The following ZNF519 variants were observed in gnomAD, a reference collection of about 807,000 sequenced individuals.
ZNF519 encodes similar to Zinc finger protein 85 (Zinc finger protein HPF4) (HTF1).
ZNF519 carries 7 observed loss-of-function variants against 7.4 expected under a neutral mutation model. That is an observed-to-expected ratio of 0.94 (90% CI 0.54 to 1.77). ZNF519 has a LOEUF of 1.77. ZNF519 is among the 40% of genes most tolerant of loss of function. ZNF519 has a pLI of 0.00. For synonymous variants in ZNF519, 179 were observed against 203.3 expected, an observed-to-expected ratio of 0.88 and a Z score of 1.02; for missense variants, 586 against 623.1, an observed-to-expected ratio of 0.94 and a Z score of 0.63.
chr18:14,120,277 A>C (rs938633863), intron 2 of ZNF519, among the ~76,000 whole-genome samples: 16 of 152,186 alleles, frequency 1.1e-4, no homozygotes, highest in Non-Finnish European at 2.2e-4. Context: ...TGACAAGAGC[A>C]CCAAGAATAT....
chr18:14,090,667 A>T (rs1033375330), intron 2 of ZNF519: 1 of 152,206 alleles, frequency 6.6e-6, no homozygotes, highest in Admixed American at 6.5e-5. Context: ...GGTCCAGGGG[A>T]GCCCCTTCCT....
chr18:14,111,033 C>T (rs2046217775), intron 2 of ZNF519, among the ~76,000 whole-genome samples: 1 of 151,490 alleles, frequency 6.6e-6, no homozygotes, highest in Non-Finnish European at 1.5e-5. Flanking sequence ...TTTCCAAAAC[C>T]ATTGAAAAAA....
chr18:14,131,168 C>T (rs1031433088), intron 1 of ZNF519, among the ~76,000 whole-genome samples: 18 of 152,072 alleles, frequency 1.2e-4, no homozygotes, highest in African/African-American at 4.1e-4. Context: ...CTAATAAGGG[C>T]GTTTGTGCTA....
chr18:14,088,736 A>G (rs968898133), intron 2 of ZNF519, among the ~76,000 whole-genome samples: 1 of 152,198 alleles, frequency 6.6e-6, no homozygotes, highest in African/African-American at 2.4e-5. Context: ...GAAACGGTGA[A>G]ATCACCATAA....
At chr18:14,123,115 T>A (rs1032609924) in intron 2 of ZNF519, 2 of 219,960 alleles carry the variant, frequency 9.1e-6, no homozygotes, top group African/African-American at 2.4e-5. Context: ...CTCACTTACT[T>A]GGGGGTTTGG....
intron 2 of ZNF519, among the ~76,000 whole-genome samples, chr18:14,116,832 C>A (rs2046248200): frequency 6.6e-6 from 1 of 151,982 alleles, no homozygotes; most frequent in Non-Finnish European, 1.5e-5. Context: ...CAGGGTGAAA[C>A]CCTGTCTCTA....
chr18:14,116,219 T>C (rs1375409894), intron 2 of ZNF519, among the ~76,000 whole-genome samples: 1 of 152,214 alleles, frequency 6.6e-6, no homozygotes, highest in Non-Finnish European at 1.5e-5. Flanking sequence ...TCAGGAGATT[T>C]AATATTGTTA....
intron 2 of ZNF519, among the ~76,000 whole-genome samples, chr18:14,088,554 A>G (rs560636420): frequency 3.1e-4 from 47 of 152,346 alleles, no homozygotes; most frequent in African/African-American, 1.1e-3. Flanking sequence ...ATAAGGTTCA[A>G]AATTCCTTAA....
chr18:14,096,187 C>T (rs1264096614), downstream of ZNF519, among the ~76,000 whole-genome samples: 1 of 152,234 alleles, frequency 6.6e-6, no homozygotes, highest in Non-Finnish European at 1.5e-5. Context: ...CTTCCCACTT[C>T]TTTCCCCCGA....
rs1320384772 is a variant in ZNF519 at position 14,102,229 on chromosome 18, A to G, written c.*2688T>C. 1 of 152,178 alleles carries G rather than the reference A, an allele frequency of 6.6e-6. No homozygotes were observed. Among genetic ancestry groups the G allele is most frequent in the African/African-American group, 2.4e-5 (1 of 41,428 alleles). 9.4% of individuals were successfully genotyped at this position (152,178 alleles called of 1,614,324 possible). On this transcript the variant is annotated 3_prime_UTR_variant, in exon 3 of 3. Coordinates refer to ENST00000590202, the MANE Select transcript of ZNF519 (RefSeq NM_145287.4). Reference sequence around the variant, plus strand: ...GCTGCCCAGGCTGCAGTGCAGTGACATGATCTTGGCTCACTGCAACCTCCA... The same window carrying G: ...GCTGCCCAGGCTGCAGTGCAGTGACGTGATCTTGGCTCACTGCAACCTCCA...
At position 14,104,595 on chromosome 18, in the gene ZNF519, T is replaced by G. The variant is rs1335899179; in HGVS notation, c.*322A>C. On this transcript the variant is annotated 3_prime_UTR_variant, in exon 3 of 3. Coordinates refer to ENST00000590202, the MANE Select transcript of ZNF519 (RefSeq NM_145287.4). ...ATAATACTTTCTCAATCATGAATAC[T>G]GTGATTACAAAAATAAGTGAACATT... 7 of 223,174 alleles carry G rather than the reference T, an allele frequency of 3.1e-5. No individual in the cohort carries two copies. Among genetic ancestry groups the G allele is most frequent in the Non-Finnish European group, 6.1e-5 (7 of 115,274 alleles). The allele number at this position is 223,174 out of a possible 1,614,324, so 13.8% of individuals were successfully genotyped here.
chr18:14,073,340 G>A (rs959076883), downstream of ZNF519: 8 of 151,584 alleles, frequency 5.3e-5, no homozygotes, highest in South Asian at 2.1e-4. Flanking sequence ...GCACAATCTC[G>A]GCTCACTGCA....
downstream of ZNF519, chr18:14,071,692 A>T (rs1470447831): frequency 2.0e-5 from 3 of 152,042 alleles, no homozygotes; most frequent in Non-Finnish European, 4.4e-5. Context: ...TAATTACAAG[A>T]GCAAAATGCA....
chr18:14,118,542 T>A (rs79528685), intron 2 of ZNF519, among the ~76,000 whole-genome samples: 2 of 152,124 alleles, frequency 1.3e-5, no homozygotes, highest in Admixed American at 6.5e-5. Context: ...TGACTGCCTA[T>A]GGTTGGGGTT....
In ZNF519 at chr18:14,106,252, T is replaced by C. The variant is rs1403919151; in HGVS notation, c.288A>G (p.Glu96=). 1.5e-5 allele frequency: 24 copies of C among 1,613,582 alleles called. No individual in the cohort carries two copies. In the Admixed American group the frequency reaches 4.0e-4, roughly 27 times the overall value. Residue 96 remains glutamate (E), a synonymous_variant, in exon 3 of 3, where the codon GAA becomes GAG. Coordinates refer to ENST00000590202, the MANE Select transcript of ZNF519 (RefSeq NM_145287.4). ...ESIGEGEGQK[E]CYNLCSQYLT... ...AATATTGGCTACATAGATTATAACATTCCTTTTGTCCTTCACCTTCACCTA... is the reference window on the plus strand; with the variant it reads ...AATATTGGCTACATAGATTATAACACTCCTTTTGTCCTTCACCTTCACCTA...
intron 2 of ZNF519, among the ~76,000 whole-genome samples, chr18:14,121,493 T>C (rs1208383726): frequency 6.6e-6 from 1 of 152,114 alleles, no homozygotes; most frequent in Admixed American, 6.6e-5. Flanking sequence ...ATCTGAAAAA[T>C]CCATGCCACA....
At chr18:14,117,627 G>A (rs1357509016) in intron 2 of ZNF519, among the ~76,000 whole-genome samples, 2 of 152,136 alleles carry the variant, frequency 1.3e-5, no homozygotes, top group African/African-American at 2.4e-5. Context: ...AAAAAAAAGA[G>A]GTTTAATTGG....
intron 1 of ZNF519, among the ~76,000 whole-genome samples, chr18:14,124,687 G>GACCT (rs2042527080): frequency 6.6e-6 from 1 of 152,052 alleles, no homozygotes; most frequent in African/African-American, 2.4e-5. Context: ...GAGCTGCACT[G>GACCT]ACCTACCCCT....
At position 14,106,305 on chromosome 18, in the gene ZNF519, T is replaced by C; in HGVS notation, c.235A>G (p.Ile79Val). 1.2e-6 allele frequency: 2 copies of C among 1,613,510 alleles called. No individual in the cohort carries two copies. Among genetic ancestry groups the C allele is most frequent in the Non-Finnish European group, 1.7e-6 (2 of 1,179,892 alleles). ...GRYGSCGLEN[I>V]CLWKNWESIG... Reference sequence around the variant, plus strand: ...CTTTCCCAGTTTTTCCATAAGCATATATTTTCAAGGCCACAGCTCCCATAT... The same window carrying C: ...CTTTCCCAGTTTTTCCATAAGCATACATTTTCAAGGCCACAGCTCCCATAT... Residue 79 changes from isoleucine to valine, a missense_variant, in exon 3 of 3, where the codon ATA (isoleucine) becomes GTA (valine). Ile to Val is a conservative substitution (Grantham distance 29). Transcript: ENST00000590202.
Sources: allele counts gnomAD v4.1 joint callset (sites outside exome capture counted in the v4.1 genomes callset), GRCh38; gene constraint gnomAD v4.1.1; transcripts MANE v1.5; gene names NCBI Gene and HGNC (gene_info 2026-07-23, HGNC 2026-07-21).